Variants in STK3 observed in about 807,000 individuals in gnomAD.
STK3 encodes serine/threonine kinase 3, also known as serine/threonine-protein kinase 3.
In STK3, 41 loss-of-function variants were observed where a neutral mutation model predicts 58.0. That is an observed-to-expected ratio of 0.71 (90% CI 0.55 to 0.92). The LOEUF (loss-of-function observed/expected upper bound fraction) is 0.92. Among genes scored for constraint, STK3 ranks in the 40% least tolerant of loss-of-function variants. The probability of loss-of-function intolerance (pLI) is 0.00; values close to 1 mark genes in which losing one functional copy is unlikely to be tolerated. For missense variants in STK3, 479 were observed against 602.7 expected, an observed-to-expected ratio of 0.79 and a Z score of 2.15; for synonymous variants, 170 against 191.0, an observed-to-expected ratio of 0.89 and a Z score of 0.91.
chr8:98,932,331 T>G (rs879376923), intron 1 of STK3, among the ~76,000 whole-genome samples: 14 of 152,218 alleles, frequency 9.2e-5, no homozygotes, highest in Non-Finnish European at 1.9e-4. Flanking sequence ...TTTGGATCAA[T>G]AGTTCTCAAA....
chr8:98,387,305 G>A (rs906346879), intron 1 of STK3, among the ~76,000 whole-genome samples: 8 of 152,290 alleles, frequency 5.3e-5, no homozygotes, highest in South Asian at 2.1e-4. Context: ...TAGGACCAAG[G>A]ATTTTCAGAA....
At position 98,825,562 on chromosome 8, in the gene STK3, G is replaced by A. The variant is rs529455699; in HGVS notation, c.-22C>T. ...CCATGGCGGCCGGGGACAGAGAGAG[G>A]GACCTGGTGGACGGCGAAGGCCGAA... On this transcript the variant is annotated 5_prime_UTR_variant, in exon 1 of 11. Coordinates refer to ENST00000419617, the MANE Select transcript of STK3 (RefSeq NM_006281.4). 2.1e-6 allele frequency: 3 copies of A among 1,451,060 alleles called. No homozygotes were observed. Among genetic ancestry groups the A allele is most frequent in the South Asian group, 2.6e-5 (2 of 76,358 alleles). The allele number at this position is 1,451,060 out of a possible 1,614,324, so 89.9% of individuals were successfully genotyped here. A position where few individuals can be genotyped will look rare whatever the true frequency, so the allele number is the denominator to read the frequency against.
intron 3 of STK3, among the ~76,000 whole-genome samples, chr8:98,408,574 T>G (rs1343429838): frequency 3.3e-5 from 5 of 152,342 alleles, no homozygotes; most frequent in Admixed American, 3.3e-4. Flanking sequence ...CTGCTGGGCT[T>G]AAGGGAAGAC....
intron 6 of STK3, chr8:98,598,465 G>A: frequency 1.0e-6 from 1 of 985,336 alleles, no homozygotes; most frequent in Non-Finnish European, 1.2e-6. Flanking sequence ...ATGTCTCCAG[G>A]AAAACCACTA....
At chr8:98,938,889 T>C (rs1180049651) in intron 1 of STK3, among the ~76,000 whole-genome samples, 2 of 151,898 alleles carry the variant, frequency 1.3e-5, no homozygotes, top group African/African-American at 4.8e-5. Flanking sequence ...GTGTTACAAA[T>C]AGTTAGAAAC....
chr8:98,731,524 C>G (rs1026013990), intron 4 of STK3, among the ~76,000 whole-genome samples: 1 of 152,046 alleles, frequency 6.6e-6, no homozygotes, highest in Non-Finnish European at 1.5e-5. Context: ...TCAAGACCAT[C>G]CTGGCTAACA....
the STK3 span, among the ~76,000 whole-genome samples, chr8:98,351,125 G>T: frequency 6.6e-6 from 1 of 152,024 alleles, no homozygotes; most frequent in Non-Finnish European, 1.5e-5. Context: ...AAACATAAAG[G>T]GTACAGACAT....
chr8:98,815,870 G>A (rs1834510320), intron 1 of STK3, among the ~76,000 whole-genome samples: 1 of 152,096 alleles, frequency 6.6e-6, no homozygotes, highest in African/African-American at 2.4e-5. Context: ...GCAAAATGAT[G>A]TATTTAGAAT....
At chr8:98,839,231 A>G (rs1170003719) in intron 3 of STK3, among the ~76,000 whole-genome samples, 1 of 151,956 alleles carries the variant, frequency 6.6e-6, no homozygotes, top group Non-Finnish European at 1.5e-5. Flanking sequence ...AATTTTTTGT[A>G]GCACCAGGGA....
At chr8:98,676,698 A>G (rs1430848891) in intron 6 of STK3, among the ~76,000 whole-genome samples, 10 of 152,150 alleles carry the variant, frequency 6.6e-5, no homozygotes, top group Non-Finnish European at 1.3e-4. Context: ...AGTTCTGTGT[A>G]TGGATGGTAG....
chr8:98,597,677 T>C, intron 6 of STK3: 1 of 985,412 alleles, frequency 1.0e-6, no homozygotes, highest in Non-Finnish European at 1.2e-6. Context: ...ATGTTCTTCC[T>C]TTTGCGTGAG....
chr8:98,542,310 C>G (rs1007491532), intron 9 of STK3, among the ~76,000 whole-genome samples: 1 of 152,130 alleles, frequency 6.6e-6, no homozygotes, highest in South Asian at 2.1e-4. Context: ...CAGTGGAAAA[C>G]AGTTCTCTCA....
chr8:98,631,544 C>A (rs975133711), intron 6 of STK3, among the ~76,000 whole-genome samples: 2 of 152,214 alleles, frequency 1.3e-5, no homozygotes, highest in Non-Finnish European at 2.9e-5. Flanking sequence ...CCTTATTAGA[C>A]AGGCCTTTCT....
chr8:98,861,230 C>T (rs955031196), intron 3 of STK3, among the ~76,000 whole-genome samples: 1 of 151,790 alleles, frequency 6.6e-6, no homozygotes, highest in African/African-American at 2.4e-5. Flanking sequence ...TCAATCAAAT[C>T]CATCTTCTTT....
chr8:98,616,795 C>T (rs1817768422), intron 6 of STK3, among the ~76,000 whole-genome samples: 1 of 150,598 alleles, frequency 6.6e-6, no homozygotes, highest in African/African-American at 2.4e-5. Flanking sequence ...AATACAGGAG[C>T]ACCCAGATTC....
At chr8:98,748,437 T>A (rs1829774384) in intron 4 of STK3, among the ~76,000 whole-genome samples, 1 of 152,068 alleles carries the variant, frequency 6.6e-6, no homozygotes, top group Admixed American at 6.6e-5. Context: ...GGAAAAAAAA[T>A]TAGTAAAATA....
rs148140539 is a variant in STK3, at chr8:98,374,719, TG to T, written n.112-3042del. 7.0e-3 allele frequency among the ~76,000 whole-genome samples: 1,068 copies of T among 152,290 alleles called. 12 individuals carry two copies. The highest frequency in any genetic ancestry group is 0.024 in the African/African-American group (1,008 of 41,550). ...AGAATTTAGCTCTCTACCATGGATG[TG>T]GGAAGAACTCAGGATATATTAAGTA... is the stretch of plus-strand genomic sequence containing the variant. On this transcript the variant is annotated intron_variant and non_coding_transcript_variant, in intron 2 of 2. Transcript: ENST00000518704.
At chr8:98,621,373 T>TA (rs1818303396) in intron 6 of STK3, among the ~76,000 whole-genome samples, 1 of 152,224 alleles carries the variant, frequency 6.6e-6, no homozygotes, top group East Asian at 1.9e-4. Context: ...TTTCTACCTT[T>TA]CCAATCTGTA....
At position 98,823,639 on chromosome 8, in the gene STK3, G is replaced by A. The variant is rs1403265382; in HGVS notation, c.26+1876C>T. 3.3e-5 allele frequency among the ~76,000 whole-genome samples: 5 copies of A among 152,164 alleles called. No homozygotes were observed. The South Asian group carries it at 8.3e-4, about 25-fold the overall frequency. On this transcript the variant is annotated intron_variant, in intron 1 of 10. Coordinates refer to ENST00000419617, the MANE Select transcript of STK3 (RefSeq NM_006281.4). ...ATATTTGTCAAATTTTATTTCTTAA[G>A]CTCAGTCGTGATACATAAATATTTA...
Sources: allele counts gnomAD v4.1 joint callset (sites outside exome capture counted in the v4.1 genomes callset), GRCh38; gene constraint gnomAD v4.1.1; transcripts MANE v1.5; gene names NCBI Gene and HGNC (gene_info 2026-07-23, HGNC 2026-07-21).